Variants in LMTK2 observed in about 807,000 individuals in gnomAD.
LMTK2 encodes serine/threonine-protein kinase LMTK2.
In LMTK2, 37 loss-of-function variants were observed where a neutral mutation model predicts 127.5. The ratio of observed to expected loss-of-function variants is 0.29; its 90% CI spans 0.22 to 0.38. The LOEUF (loss-of-function observed/expected upper bound fraction) is 0.38, where lower values mean the gene tolerates loss of function less well. LMTK2 is among the 10% of genes least tolerant of loss of function. The pLI is 1.00. For synonymous variants in LMTK2, 819 were observed against 810.1 expected, an observed-to-expected ratio of 1.01 and a Z score of -0.19; for missense variants, 1,694 against 1,920.3, an observed-to-expected ratio of 0.88 and a Z score of 2.20.
Position 98,185,116 on chromosome 7 carries a change from T to C in LMTK2, c.857T>C (p.Ile286Thr). The change falls in exon 8 of 14, where the codon ATA becomes ACA. Residue 286 changes from isoleucine to threonine, a missense_variant. Around this residue, in one of 8 missense-constraint regions of LMTK2, gnomAD observed 47 missense variants for 95.4 expected, o/e 0.49. Transcript: ENST00000297293. ...DLNVKVGDYG[I>T]GFSRYKEDYI... ...AATGTGAAAGTGGGAGATTACGGAA[T>C]AGGATTCAGCAGGTACAAGGTAAGC... 3 of 1,611,956 alleles carry C rather than the reference T, an allele frequency of 1.9e-6. No individual in the cohort carries two copies. The highest frequency in any genetic ancestry group is 2.5e-6 in the Non-Finnish European group (3 of 1,178,156).
intron 1 of LMTK2, 28 bp downstream of exon 1, chr7:98,107,308 C>T: frequency 9.0e-7 from 1 of 1,115,700 alleles, no homozygotes; most frequent in South Asian, 2.3e-5. Context: ...GGGGACGGGG[C>T]TGCGGGGTCT....
chr7:98,116,452 G>A (rs955225930), intron 1 of LMTK2, among the ~76,000 whole-genome samples: 4 of 151,772 alleles, frequency 2.6e-5, no homozygotes, highest in African/African-American at 9.7e-5. Context: ...GTGTCCGCGT[G>A]TGTGTGTGTG....
At chr7:98,181,487 T>C (rs551020577) in intron 7 of LMTK2, among the ~76,000 whole-genome samples, 1 of 152,212 alleles carries the variant, frequency 6.6e-6, no homozygotes, top group Admixed American at 6.5e-5. Flanking sequence ...TACAATACAG[T>C]CTTGAAACAG....
rs772611591 is a variant in LMTK2 at position 98,192,841 on chromosome 7, C to T, written c.2376C>T (p.Asp792=). The T allele has an allele frequency of 2.6e-5, 42 of 1,613,632 alleles. No individual in the cohort carries two copies. Among genetic ancestry groups the T allele is most frequent in the South Asian group, 1.4e-4 (13 of 91,040 alleles). ...AGGAAAACGTAAGCACAAAGGGTGACGATACAGATGTCATGCTCACAGGTG... is the reference window on the plus strand; with the variant it reads ...AGGAAAACGTAAGCACAAAGGGTGATGATACAGATGTCATGCTCACAGGTG... The part of the protein sequence containing the change: ...LLQENVSTKG[D]DTDVMLTGDT... The change falls in exon 11 of 14, where the codon GAC becomes GAT. Residue 792 remains aspartate, a synonymous_variant. Transcript: ENST00000297293.
chr7:98,190,767 C>T lies in LMTK2; in HGVS notation c.1038C>T (p.Ala346=), dbSNP rs781772622. The change falls in exon 10 of 14, where the codon GCC becomes GCT. Residue 346 remains alanine, a synonymous_variant. Coordinates refer to ENST00000297293, the MANE Select transcript of LMTK2 (RefSeq NM_014916.4). ...CACTTTGGGAGCTTTTTGACAATGC[C>T]GCACAGCCGTATTCAAACCTTTCCA... The part of the protein sequence containing the change: ...GVTLWELFDN[A]AQPYSNLSNL... The T allele has an allele frequency of 1.5e-5, 24 of 1,613,932 alleles. No homozygotes were observed. Among genetic ancestry groups the T allele is most frequent in the African/African-American group, 2.7e-5 (2 of 74,860 alleles).
chr7:98,155,985 T>G (rs1430556978), intron 5 of LMTK2, among the ~76,000 whole-genome samples: 1 of 151,964 alleles, frequency 6.6e-6, no homozygotes, highest in Non-Finnish European at 1.5e-5. Context: ...ATAGGACTCA[T>G]ATCTAGAATT....
At chr7:98,159,316 T>G (rs779279250) in intron 5 of LMTK2, 22 bp from the exon 6 acceptor site, 6 of 1,523,582 alleles carry the variant, frequency 3.9e-6, no homozygotes, top group Non-Finnish European at 5.4e-6. Flanking sequence ...ATGAACAATA[T>G]TATGGCTTTT....
intron 1 of LMTK2, among the ~76,000 whole-genome samples, chr7:98,131,867 TC>T (rs1247441866): frequency 6.6e-6 from 1 of 152,208 alleles, no homozygotes; most frequent in Non-Finnish European, 1.5e-5. Flanking sequence ...TACATTGTTT[TC>T]TAAGGTAGTT....
intron 4 of LMTK2, 122 bp downstream of exon 4, chr7:98,151,577 GTT>G (rs1796856941): frequency 1.4e-6 from 1 of 722,676 alleles, no homozygotes; most frequent in Non-Finnish European, 2.3e-6. Context: ...TACTAATTGA[GTT>G]TCCCCATTCC....
Position 98,203,600 on chromosome 7 carries a change from C to A in LMTK2, c.4134C>A (p.Pro1378=). 1.2e-6 allele frequency: 2 copies of A among 1,603,368 alleles called. No individual in the cohort carries two copies. Among genetic ancestry groups the A allele is most frequent in the Non-Finnish European group, 1.7e-6 (2 of 1,177,280 alleles). ...DQETPTKELG[P]CGGEACGPDL... is the part of the protein sequence containing the mutation. ...AGACCCCAACCAAAGAGCTGGGGCCCTGTGGAGGAGAGGCGTGCGGCCCGG... is the reference window on the plus strand; with the variant it reads ...AGACCCCAACCAAAGAGCTGGGGCCATGTGGAGGAGAGGCGTGCGGCCCGG... The change falls in exon 12 of 14, where the codon CCC becomes CCA. Residue 1378 remains proline (P), a synonymous_variant. Coordinates refer to ENST00000297293, the MANE Select transcript of LMTK2 (RefSeq NM_014916.4).
intron 2 of LMTK2, among the ~76,000 whole-genome samples, chr7:98,140,194 GTCTTTGAGATGGTCTC>G (rs1562902968): frequency 2.1e-4 from 1 of 4,764 alleles, no homozygotes; most frequent in African/African-American, 8.3e-4. Flanking sequence ...TCTTCTTTCT[GTCTTTGAGATGGTCTC>G]GCTCTATCAC....
At position 98,193,106 on chromosome 7, in the gene LMTK2, A is replaced by G. The variant is rs765190613; in HGVS notation, c.2641A>G (p.Asn881Asp). The G allele has an allele frequency of 2.5e-6, 4 of 1,613,744 alleles. No homozygotes were observed. Among genetic ancestry groups the G allele is most frequent in the South Asian group, 2.2e-5 (2 of 91,082 alleles). ...STDARTHSLDNRSQDSPGESE... is the reference protein window; with the variant it reads ...STDARTHSLDDRSQDSPGESE... ...TGATGCCAGAACCCACAGCCTGGAT[A>G]ACAGGTCCCAGGACTCTCCTGGCGA... Residue 881 changes from asparagine to aspartate, a missense_variant, in exon 11 of 14, where the codon AAC (asparagine) becomes GAC (aspartate). This residue lies in a region of LMTK2 where 527 missense variants were observed against 539.8 expected (regional missense o/e 0.98). Coordinates refer to ENST00000297293, the MANE Select transcript of LMTK2 (RefSeq NM_014916.4). This position sits in a 1 kb window ranked among gnomAD's most constrained non-coding sequence, Gnocchi z 4.1.
rs962336722 is a variant in LMTK2 at position 98,199,413 on chromosome 7, G to C, written c.4108-4161G>C. On this transcript the variant is annotated intron_variant, in intron 11 of 13. Transcript: ENST00000297293. The stretch of plus-strand genomic sequence containing the variant: ...TTGATGCATATACATTGAGGATGAT[G>C]ATGTCTTCTTGCTGAATTGACCTTT... Among the ~76,000 whole-genome samples the C allele has an allele frequency of 2.0e-5, 3 of 152,236 alleles. No individual in the cohort carries two copies. In the East Asian group the frequency reaches 5.8e-4, roughly 29 times the overall value.
At chr7:98,113,422 A>T (rs1422634532) in intron 1 of LMTK2, among the ~76,000 whole-genome samples, 1 of 152,044 alleles carries the variant, frequency 6.6e-6, no homozygotes, top group African/African-American at 2.4e-5. Flanking sequence ...GATTCTTTAT[A>T]GCACTGTAAG....
At chr7:98,155,594 G>A (rs1226230588) in intron 5 of LMTK2, among the ~76,000 whole-genome samples, 1 of 151,136 alleles carries the variant, frequency 6.6e-6, no homozygotes, top group Non-Finnish European at 1.5e-5. Flanking sequence ...GAGGACAGCC[G>A]ATTTCTCATC....
intron 11 of LMTK2, among the ~76,000 whole-genome samples, chr7:98,197,449 C>T (rs540846033): frequency 3.3e-5 from 5 of 152,318 alleles, no homozygotes; most frequent in South Asian, 2.1e-4. Flanking sequence ...TTAGCACTTG[C>T]GATGTCCTTC....
At chr7:98,141,764 A>T (rs1259625514) in intron 3 of LMTK2, among the ~76,000 whole-genome samples, 1 of 152,182 alleles carries the variant, frequency 6.6e-6, no homozygotes, top group Non-Finnish European at 1.5e-5. Flanking sequence ...GAATAAAACG[A>T]ATCTCCTTGA....
Position 98,171,471 on chromosome 7 carries a change from A to C in LMTK2, c.658-70A>C. The C allele has an allele frequency of 6.3e-7, 1 of 1,594,196 alleles. No homozygotes were observed. Among genetic ancestry groups the C allele is most frequent in the Non-Finnish European group, 8.6e-7 (1 of 1,162,184 alleles). On this transcript the variant is annotated intron_variant, in intron 6 of 13. Transcript: ENST00000297293. This position sits in a 1 kb window ranked among gnomAD's most constrained non-coding sequence, Gnocchi z 5.1. The stretch of plus-strand genomic sequence containing the variant: ...TAATCTTAACAGTTAGTGTTCACCG[A>C]GGCACGTATTTAAGCGCTCACTTTA...
intron 8 of LMTK2, among the ~76,000 whole-genome samples, chr7:98,185,608 G>T (rs1322087510): frequency 6.6e-6 from 1 of 152,132 alleles, no homozygotes; most frequent in Non-Finnish European, 1.5e-5. Flanking sequence ...GTTTCCATTT[G>T]TGTGTGTCTG....
Sources: allele counts gnomAD v4.1 joint callset (sites outside exome capture counted in the v4.1 genomes callset), GRCh38; gene constraint gnomAD v4.1.1; regional missense constraint gnomAD v4.1.1; non-coding constraint Gnocchi (gnomAD v3.1); transcripts MANE v1.5; gene names NCBI Gene and HGNC (gene_info 2026-07-23, HGNC 2026-07-21).